NRXN3: variants seen among roughly 807,000 people sequenced by gnomAD.
The protein encoded by NRXN3 is neurexin III.
In NRXN3, 32 loss-of-function variants were observed where a neutral mutation model predicts 137.6. The ratio of observed to expected loss-of-function variants is 0.23; its 90% CI spans 0.18 to 0.31. The LOEUF (loss-of-function observed/expected upper bound fraction) is 0.31, where lower values mean the gene tolerates loss of function less well. Among genes scored for constraint, NRXN3 ranks in the 10% least tolerant of loss-of-function variants. NRXN3 has a pLI of 1.00. For synonymous variants in NRXN3, 798 were observed against 784.5 expected, an observed-to-expected ratio of 1.02 and a Z score of -0.29; for missense variants, 1,574 against 2,062.5, an observed-to-expected ratio of 0.76 and a Z score of 4.59.
chr14:79,234,196 T>C (rs901687868), intron 15 of NRXN3, among the ~76,000 whole-genome samples: 7 of 149,038 alleles, frequency 4.7e-5, no homozygotes, highest in Non-Finnish European at 1.0e-4. Context: ...AAGAGAAAAA[T>C]ATCATTAGAC....
rs150184362 is a variant in NRXN3, at chr14:79,481,337, C to T, written c.3444+13935C>T. Among the ~76,000 whole-genome samples, 384 of 152,212 alleles carry T rather than the reference C, an allele frequency of 2.5e-3. 11 individuals carry two copies. The East Asian group carries it at 0.051, about 20-fold the overall frequency. On this transcript the variant is annotated intron_variant, in intron 16 of 20. Coordinates refer to ENST00000335750, the MANE Select transcript of NRXN3 (RefSeq NM_001330195.2). ...AATCTCTTTCATTCTAATATGCTCA[C>T]GAGTCACTTAATGAGGAGGATATGT...
At chr14:78,286,900 G>T (rs1361300286) in intron 3 of NRXN3, among the ~76,000 whole-genome samples, 1 of 152,202 alleles carries the variant, frequency 6.6e-6, no homozygotes, top group East Asian at 1.9e-4. Flanking sequence ...GTATTTTTCA[G>T]ATGAGAGGCA....
At chr14:78,671,269 G>T (rs1022389652) in intron 6 of NRXN3, among the ~76,000 whole-genome samples, 1 of 152,100 alleles carries the variant, frequency 6.6e-6, no homozygotes, top group East Asian at 1.9e-4. Context: ...GACATTGTAG[G>T]TAATCATTTT....
At chr14:79,500,987 C>T (rs1356149534) in intron 16 of NRXN3, among the ~76,000 whole-genome samples, 1 of 151,858 alleles carries the variant, frequency 6.6e-6, no homozygotes, top group African/African-American at 2.4e-5. Context: ...GGGTTTCTAC[C>T]AACACAACAT....
chr14:79,067,215 G>A (rs1480801762), intron 15 of NRXN3, among the ~76,000 whole-genome samples: 1 of 152,100 alleles, frequency 6.6e-6, no homozygotes, highest in Non-Finnish European at 1.5e-5. Context: ...TGCATCTATT[G>A]AGATAATCAT....
intron 19 of NRXN3, among the ~76,000 whole-genome samples, chr14:79,762,927 G>A (rs1050249528): frequency 6.6e-6 from 1 of 151,560 alleles, no homozygotes; most frequent in African/African-American, 2.4e-5. Context: ...ATGCAGGTTT[G>A]TTACATAGGT....
intron 15 of NRXN3, among the ~76,000 whole-genome samples, chr14:79,001,558 G>A (rs1007827175): frequency 5.9e-5 from 9 of 152,140 alleles, no homozygotes; most frequent in African/African-American, 2.2e-4. Context: ...TCCCTGGAAG[G>A]CGCTCTTCTC....
chr14:79,272,583 A>G (rs1464406764), intron 15 of NRXN3, among the ~76,000 whole-genome samples: 2 of 152,226 alleles, frequency 1.3e-5, no homozygotes, highest in African/African-American at 4.8e-5. Context: ...ATAAAGAATT[A>G]AAGAAATAGG....
chr14:78,346,120 C>T (rs2082702772), intron 4 of NRXN3, among the ~76,000 whole-genome samples: 1 of 152,152 alleles, frequency 6.6e-6, no homozygotes, highest in African/African-American at 2.4e-5. Flanking sequence ...AGACCTGAAG[C>T]ACGGGTGATG....
At position 79,094,975 on chromosome 14, in the gene NRXN3, A is replaced by AGTGTGTGT. The variant is rs71131675; in HGVS notation, c.3262+106835_3262+106836insTGTGTGTG. The stretch of plus-strand genomic sequence containing the variant: ...GAGAGAGAGAGAGAGAGAGAGAGAG[A>AGTGTGTGT]GAGAGTGTGTGTGTGTGTGTGTGTG... On this transcript the variant is annotated intron_variant, in intron 15 of 20. Coordinates refer to ENST00000335750, the MANE Select transcript of NRXN3 (RefSeq NM_001330195.2). Among the ~76,000 whole-genome samples the AGTGTGTGT allele has an allele frequency of 7.2e-3, 636 of 88,728 alleles. 7 individuals carry two copies. The highest frequency in any genetic ancestry group is 0.018 in the East Asian group (29 of 1,614). 58.2% of individuals were successfully genotyped at this position (88,728 alleles called of 152,430 possible).
In NRXN3 at chr14:79,249,856, G is replaced by A. The variant is rs547945456; in HGVS notation, c.3263-217365G>A. On this transcript the variant is annotated intron_variant, in intron 15 of 20. Coordinates refer to ENST00000335750, the MANE Select transcript of NRXN3 (RefSeq NM_001330195.2). ...CCAGTGTACCTGCCTAGCAGCAGAG[G>A]GGAATCTTTGACTATAAAAATGTTT... Among the ~76,000 whole-genome samples the A allele has an allele frequency of 2.6e-5, 4 of 152,256 alleles. No homozygotes were observed. In the South Asian group the frequency reaches 8.3e-4, roughly 32 times the overall value.
In NRXN3 at chr14:78,386,221, G is replaced by T. The variant is rs542632074; in HGVS notation, c.757+88361G>T. The stretch of plus-strand genomic sequence containing the variant: ...ATTTTCAGAGTTAATTGAGTGTTTT[G>T]CCTTAAAATTATCTTTTTCTTCCTC... On this transcript the variant is annotated intron_variant, in intron 4 of 20. Transcript: ENST00000335750. Among the ~76,000 whole-genome samples the T allele has an allele frequency of 2.6e-5, 4 of 152,260 alleles. No homozygotes were observed. In the East Asian group the frequency reaches 7.7e-4, roughly 29 times the overall value.
intron 4 of NRXN3, among the ~76,000 whole-genome samples, chr14:78,570,778 G>C (rs928403191): frequency 1.3e-5 from 2 of 152,182 alleles, no homozygotes; most frequent in Non-Finnish European, 2.9e-5. Flanking sequence ...GATTGCATTG[G>C]TGACTTTTTA....
At chr14:78,664,770 T>C (rs1004604391) in intron 6 of NRXN3, among the ~76,000 whole-genome samples, 1 of 152,240 alleles carries the variant, frequency 6.6e-6, no homozygotes, top group Non-Finnish European at 1.5e-5. Context: ...GTTTCCTCAA[T>C]AGACTGAGCT....
chr14:79,834,498 C>T (rs980034936), intron 20 of NRXN3, among the ~76,000 whole-genome samples: 1 of 152,114 alleles, frequency 6.6e-6, no homozygotes, highest in Non-Finnish European at 1.5e-5. Flanking sequence ...CAGCTAAAGA[C>T]ACAACATTTT....
intron 8 of NRXN3, among the ~76,000 whole-genome samples, chr14:78,736,170 T>A (rs1337397100): frequency 6.6e-6 from 1 of 152,162 alleles, no homozygotes; most frequent in East Asian, 1.9e-4. Context: ...CAGATGTCAA[T>A]TTGAAATTTA....
chr14:79,279,600 C>T (rs1415970248), intron 15 of NRXN3: 9 of 987,070 alleles, frequency 9.1e-6, no homozygotes, highest in Non-Finnish European at 2.4e-6. Context: ...CTTCCTCTGG[C>T]TGCGGTGGCT....
At chr14:78,436,281 G>A (rs555058533) in intron 4 of NRXN3, among the ~76,000 whole-genome samples, 45 of 152,240 alleles carry the variant, frequency 3.0e-4, no homozygotes, top group South Asian at 1.0e-3. Context: ...GATGCCAACC[G>A]CCCCCGTAAT....
At chr14:79,156,949 G>A (rs1335754643) in intron 15 of NRXN3, among the ~76,000 whole-genome samples, 1 of 151,694 alleles carries the variant, frequency 6.6e-6, no homozygotes, top group Non-Finnish European at 1.5e-5. Context: ...TCCACTAAAT[G>A]CCCAGAGCAT....
Sources: allele counts gnomAD v4.1 joint callset (sites outside exome capture counted in the v4.1 genomes callset), GRCh38; gene constraint gnomAD v4.1.1; transcripts MANE v1.5; gene names NCBI Gene and HGNC (gene_info 2026-07-23, HGNC 2026-07-21).